CNGB3: variants seen among roughly 807,000 people sequenced by gnomAD.
CNGB3 encodes the protein cyclic nucleotide-gated channel beta-3.
A neutral mutation model predicts 92.8 loss-of-function variants in CNGB3; 86 were observed. The ratio of observed to expected loss-of-function variants is 0.93; its 90% CI spans 0.78 to 1.11. The LOEUF is 1.11. Ranked by LOEUF, CNGB3 falls within the 50% of genes least tolerant of loss-of-function variation. CNGB3 has a pLI of 0.00. For synonymous variants in CNGB3, 333 were observed against 332.7 expected, an observed-to-expected ratio of 1.00 and a Z score of -0.01; for missense variants, 1,026 against 956.8, an observed-to-expected ratio of 1.07 and a Z score of -0.95.
intron 17 of CNGB3, among the ~76,000 whole-genome samples, chr8:86,578,295 G>A (rs557424605): frequency 6.6e-6 from 1 of 152,188 alleles, no homozygotes; most frequent in South Asian, 2.1e-4. Flanking sequence ...TATGCATCAA[G>A]CAACTTAAAT....
intron 3 of CNGB3, among the ~76,000 whole-genome samples, chr8:86,709,244 T>C (rs905203173): frequency 6.6e-6 from 1 of 152,148 alleles, no homozygotes; most frequent in Middle Eastern, 3.2e-3. Context: ...GCTGATAAAA[T>C]GGGTACCCAC....
chr8:86,712,035 A>T (rs1824760709), intron 3 of CNGB3, among the ~76,000 whole-genome samples: 1 of 152,074 alleles, frequency 6.6e-6, no homozygotes, highest in South Asian at 2.1e-4. Context: ...ATTAAAGTAC[A>T]CTGTGCTTCT....
chr8:86,676,151 GA>G lies in CNGB3; in HGVS notation c.339-5054del, dbSNP rs1397348090. 5.9e-5 allele frequency among the ~76,000 whole-genome samples: 9 copies of G among 152,188 alleles called. 1 individual carries two copies. Among genetic ancestry groups the G allele is most frequent in the Non-Finnish European group, 1.2e-4 (8 of 68,044 alleles). The stretch of plus-strand genomic sequence containing the variant: ...AAAACTGTGTTTGTTAGGACTCTAA[GA>G]AAGTTTTGACGTGCACGCAGGGATA... On this transcript the variant is annotated intron_variant, in intron 3 of 17. Coordinates refer to ENST00000320005, the MANE Select transcript of CNGB3 (RefSeq NM_019098.5).
chr8:86,683,443 A>C (rs1824121320), intron 3 of CNGB3, among the ~76,000 whole-genome samples: 1 of 152,186 alleles, frequency 6.6e-6, no homozygotes, highest in Non-Finnish European at 1.5e-5. Context: ...GAAGTAGGTT[A>C]ACAAAAAAGA....
chr8:86,624,941 G>C (rs1822816659), intron 13 of CNGB3, among the ~76,000 whole-genome samples: 1 of 152,048 alleles, frequency 6.6e-6, no homozygotes, highest in South Asian at 2.1e-4. Flanking sequence ...ATAATATCTG[G>C]CTGCTTAAAA....
chr8:86,665,573 G>T (rs1490674490), intron 6 of CNGB3, among the ~76,000 whole-genome samples: 3 of 152,138 alleles, frequency 2.0e-5, no homozygotes, highest in African/African-American at 7.2e-5. Context: ...ATACACCATG[G>T]AACGAGATCA....
intron 12 of CNGB3, among the ~76,000 whole-genome samples, chr8:86,626,750 T>A (rs1309920960): frequency 6.6e-6 from 1 of 152,204 alleles, no homozygotes; most frequent in Non-Finnish European, 1.5e-5. Context: ...CGATGAAGAA[T>A]GTGAATACAT....
intron 11 of CNGB3, among the ~76,000 whole-genome samples, chr8:86,629,875 T>G (rs3779801): frequency 0.31 from 47,109 of 152,070 alleles, 9,203 homozygotes; most frequent in Middle Eastern, 0.44. Flanking sequence ...TCCTCTCACA[T>G]AGAGGGAGGC....
intron 15 of CNGB3, among the ~76,000 whole-genome samples, chr8:86,596,450 A>G (rs1822172817): frequency 6.6e-6 from 1 of 152,252 alleles, no homozygotes. Context: ...TAGCAGTGTT[A>G]TTCTTATAAT....
At chr8:86,711,859 T>C (rs1824758095) in intron 3 of CNGB3, among the ~76,000 whole-genome samples, 2 of 150,016 alleles carry the variant, frequency 1.3e-5, no homozygotes, top group Non-Finnish European at 3.0e-5. Context: ...ATATGACATA[T>C]AATACATAGT....
intron 3 of CNGB3, among the ~76,000 whole-genome samples, chr8:86,709,399 A>T (rs971146): frequency 0.64 from 97,542 of 152,038 alleles, 32,448 homozygotes; most frequent in African/African-American, 0.81. Context: ...TGTCTTACAA[A>T]CCCCAGCGCT....
At chr8:86,582,838 G>A (rs1241055175) in intron 15 of CNGB3, among the ~76,000 whole-genome samples, 1 of 152,176 alleles carries the variant, frequency 6.6e-6, no homozygotes, top group Non-Finnish European at 1.5e-5. Context: ...GAGTTCTTCA[G>A]GGAGAAGGAA....
intron 10 of CNGB3, among the ~76,000 whole-genome samples, chr8:86,633,422 G>A (rs1364875236): frequency 6.6e-6 from 1 of 152,188 alleles, no homozygotes; most frequent in Non-Finnish European, 1.5e-5. Context: ...ACAGTAGAGG[G>A]TGGCTGGGTA....
intron 11 of CNGB3, 47 bp from the exon 12 acceptor site, chr8:86,629,125 T>A: frequency 6.2e-7 from 1 of 1,601,566 alleles, no homozygotes; most frequent in African/African-American, 1.3e-5. Context: ...AGGAAATGAG[T>A]TAATAAAAGT....
At chr8:86,728,815 TAAAGAA>T (rs1394271585) in intron 2 of CNGB3, among the ~76,000 whole-genome samples, 2 of 152,112 alleles carry the variant, frequency 1.3e-5, no homozygotes, top group Non-Finnish European at 2.9e-5. Flanking sequence ...TTAGGACTGA[TAAAGAA>T]TATGAAATAT....
intron 3 of CNGB3, among the ~76,000 whole-genome samples, chr8:86,697,413 T>C (rs1260748393): frequency 6.6e-6 from 1 of 152,216 alleles, no homozygotes; most frequent in Admixed American, 6.5e-5. Context: ...AGAGATCAAG[T>C]TAACACTCTT....
At chr8:86,638,582 C>T (rs571189772) in intron 10 of CNGB3, among the ~76,000 whole-genome samples, 25 of 152,130 alleles carry the variant, frequency 1.6e-4, no homozygotes, top group African/African-American at 9.6e-5. Context: ...TGAGGGAGAA[C>T]GGTCTTATTA....
Position 86,668,418 on chromosome 8 carries a change from T to C in CNGB3, c.494-250A>G, listed in dbSNP as rs1297393436. 2.6e-5 allele frequency among the ~76,000 whole-genome samples: 4 copies of C among 152,080 alleles called. No homozygotes were observed. The East Asian group carries it at 5.8e-4, about 22-fold the overall frequency. On this transcript the variant is annotated intron_variant, in intron 4 of 17. Transcript: ENST00000320005. ...GGATGATGGGTGCAGCAAACCACCATAGCCCATGTATACCTATGTAACAAA... is the reference window on the plus strand; with the variant it reads ...GGATGATGGGTGCAGCAAACCACCACAGCCCATGTATACCTATGTAACAAA...
intron 2 of CNGB3, among the ~76,000 whole-genome samples, chr8:86,733,092 C>T (rs892131225): frequency 6.6e-6 from 1 of 152,042 alleles, no homozygotes; most frequent in Admixed American, 6.6e-5. Flanking sequence ...ACTCTTCCCC[C>T]CACCTTCCTC....
Sources: gnomAD v4.1 joint callset for allele counts (sites outside exome capture counted in the v4.1 genomes callset) on GRCh38, gnomAD v4.1.1 for gene constraint, MANE v1.5 for transcripts, NCBI Gene and HGNC (gene_info 2026-07-23, HGNC 2026-07-21) for gene names.